Variants in ISM1 observed in about 807,000 individuals in gnomAD.
ISM1 encodes the protein isthmin-1.
Under a neutral mutation model 46.3 loss-of-function variants are expected in ISM1, and 25 were observed. The observed-to-expected ratio is 0.54, with a 90% CI of 0.39 to 0.75. The LOEUF (loss-of-function observed/expected upper bound fraction) is 0.75, where lower values mean the gene tolerates loss of function less well. Ranked by LOEUF, ISM1 falls within the 30% of genes least tolerant of loss-of-function variation. ISM1 has a pLI of 0.00. For synonymous variants in ISM1, 255 were observed against 256.7 expected, an observed-to-expected ratio of 0.99 and a Z score of 0.06; for missense variants, 536 against 625.4, an observed-to-expected ratio of 0.86 and a Z score of 1.52.
intron 1 of ISM1, among the ~76,000 whole-genome samples, chr20:13,258,767 G>C (rs762680138): frequency 2.6e-5 from 4 of 152,072 alleles, no homozygotes; most frequent in Admixed American, 6.5e-5. Context: ...TGTTCGAAAG[G>C]AGTTTGGGTG....
At chr20:13,222,618 T>G (rs2123113143) in intron 1 of ISM1, among the ~76,000 whole-genome samples, 1 of 152,300 alleles carries the variant, frequency 6.6e-6, no homozygotes, top group East Asian at 1.9e-4. Context: ...CCCAAGGATC[T>G]TCCCCGTTGA....
chr20:13,319,745 C>G, the ISM1 span, among the ~76,000 whole-genome samples: 1 of 152,212 alleles, frequency 6.6e-6, no homozygotes, highest in Admixed American at 6.5e-5. Flanking sequence ...CCCCCCTGCA[C>G]ACACACACTC....
At chr20:13,225,448 T>TA (rs2039512926) in intron 1 of ISM1, among the ~76,000 whole-genome samples, 1 of 152,192 alleles carries the variant, frequency 6.6e-6, no homozygotes, top group South Asian at 2.1e-4. Flanking sequence ...TACACATACA[T>TA]TATATATACA....
At chr20:13,224,643 T>C (rs1308484912) in intron 1 of ISM1, among the ~76,000 whole-genome samples, 1 of 152,142 alleles carries the variant, frequency 6.6e-6, no homozygotes, top group African/African-American at 2.4e-5. Context: ...TAGTCAGAAA[T>C]ATGCAATGGT....
chr20:13,318,887 T>C, the ISM1 span, among the ~76,000 whole-genome samples: 1 of 152,146 alleles, frequency 6.6e-6, no homozygotes. Context: ...AAGGGATAAA[T>C]AGGCAGAGCA....
chr20:13,270,189 C>T (rs2040096208), intron 1 of ISM1, among the ~76,000 whole-genome samples: 1 of 152,150 alleles, frequency 6.6e-6, no homozygotes, highest in South Asian at 2.1e-4. Context: ...TAATTTGGTT[C>T]CAGCTCTAAA....
At chr20:13,303,469 C>T (rs1286054547), downstream of ISM1, among the ~76,000 whole-genome samples, 1 of 152,208 alleles carries the variant, frequency 6.6e-6, no homozygotes, top group East Asian at 1.9e-4. Context: ...GTCTGCTTTT[C>T]CCACCACACA....
the ISM1 span, among the ~76,000 whole-genome samples, chr20:13,324,228 C>T: frequency 1.3e-5 from 2 of 152,198 alleles, no homozygotes; most frequent in African/African-American, 2.4e-5. Context: ...TGGGTTGTCT[C>T]TGACTTTCAC....
intron 1 of ISM1, among the ~76,000 whole-genome samples, chr20:13,261,067 G>T (rs1364428524): frequency 6.6e-6 from 1 of 152,146 alleles, no homozygotes; most frequent in Non-Finnish European, 1.5e-5. Context: ...CAATCCTAAG[G>T]CACAAGTGCT....
chr20:13,238,729 C>T (rs1325551624), intron 1 of ISM1, among the ~76,000 whole-genome samples: 1 of 152,188 alleles, frequency 6.6e-6, no homozygotes, highest in Non-Finnish European at 1.5e-5. Context: ...TGGAGAAAGT[C>T]ACATCTACGA....
chr20:13,240,706 A>G (rs1281884846), intron 1 of ISM1, among the ~76,000 whole-genome samples: 1 of 152,206 alleles, frequency 6.6e-6, no homozygotes, highest in East Asian at 1.9e-4. Context: ...GAACATAGAT[A>G]TGTTAGAAAA....
At chr20:13,307,625 T>C in the ISM1 span, among the ~76,000 whole-genome samples, 1 of 152,194 alleles carries the variant, frequency 6.6e-6, no homozygotes, top group East Asian at 1.9e-4. Context: ...ATAATCAGTA[T>C]CATGAATTTT....
chr20:13,285,709 AG>A (rs936184044), intron 3 of ISM1, among the ~76,000 whole-genome samples: 12 of 152,250 alleles, frequency 7.9e-5, no homozygotes, highest in African/African-American at 2.9e-4. Flanking sequence ...ATTTGGAAAG[AG>A]GAATTATGGG....
At chr20:13,264,666 A>G (rs1410778845) in intron 1 of ISM1, among the ~76,000 whole-genome samples, 1 of 152,238 alleles carries the variant, frequency 6.6e-6, no homozygotes, top group African/African-American at 2.4e-5. Context: ...TCACAAACAC[A>G]GCCACGATGA....
intron 1 of ISM1, among the ~76,000 whole-genome samples, chr20:13,233,741 G>A (rs377185428): frequency 1.8e-4 from 28 of 152,224 alleles, no homozygotes; most frequent in East Asian, 5.8e-4. Context: ...CTCATTATGA[G>A]GGAAAATACT....
chr20:13,271,218 G>A (rs768501067), intron 2 of ISM1, among the ~76,000 whole-genome samples: 1 of 152,086 alleles, frequency 6.6e-6, no homozygotes, highest in Non-Finnish European at 1.5e-5. Flanking sequence ...AACTTGCCTT[G>A]GACACCAGAA....
the ISM1 span, among the ~76,000 whole-genome samples, chr20:13,323,139 G>A: frequency 1.3e-5 from 2 of 152,154 alleles, no homozygotes; most frequent in East Asian, 1.9e-4. Context: ...ATGGAATAGG[G>A]AGGGCAAGAG....
chr20:13,225,285 G>A (rs1258365954), intron 1 of ISM1, among the ~76,000 whole-genome samples: 1 of 152,038 alleles, frequency 6.6e-6, no homozygotes, highest in Non-Finnish European at 1.5e-5. Flanking sequence ...ATTTATTTTC[G>A]TTATTTTATA....
the ISM1 span, among the ~76,000 whole-genome samples, chr20:13,309,878 A>G: frequency 0.043 from 6,523 of 152,288 alleles, 491 homozygotes; most frequent in East Asian, 0.3. Context: ...GAATACATTT[A>G]ACCAAATGGA....
Sources: gnomAD v4.1 joint callset for allele counts (sites outside exome capture counted in the v4.1 genomes callset) on GRCh38, gnomAD v4.1.1 for gene constraint, MANE v1.5 for transcripts, NCBI Gene and HGNC (gene_info 2026-07-23, HGNC 2026-07-21) for gene names.